Variants in MYOM2 observed in about 807,000 individuals in gnomAD.
MYOM2 encodes the protein myomesin 2, also known as myomesin-2.
Under a neutral mutation model 187.6 loss-of-function variants are expected in MYOM2, and 254 were observed. The observed-to-expected ratio is 1.35, with a 90% CI of 1.22 to 1.50. The LOEUF (loss-of-function observed/expected upper bound fraction) is 1.50. Among genes scored for constraint, MYOM2 ranks in the 40% most tolerant of loss-of-function variants. The pLI, the probability that MYOM2 is intolerant of heterozygous loss-of-function variation, is 0.00. For synonymous variants in MYOM2, 981 were observed against 753.8 expected, an observed-to-expected ratio of 1.30 and a Z score of -4.94; for missense variants, 2,796 against 1,924.0, an observed-to-expected ratio of 1.45 and a Z score of -8.48.
At chr8:2,067,029 T>C (rs763968680) in intron 6 of MYOM2, among the ~76,000 whole-genome samples, 31 of 152,100 alleles carry the variant, frequency 2.0e-4, no homozygotes, top group Non-Finnish European at 3.8e-4. Context: ...GCAACGGCAG[T>C]TAGGGAGGTC....
rs561595328 is a variant in MYOM2 at position 2,101,143 on chromosome 8, C to T, written c.2619+89C>T. 625 of 1,330,182 alleles carry T rather than the reference C, an allele frequency of 4.7e-4. 2 individuals carry two copies. In the African/African-American group the frequency reaches 7.3e-3, roughly 16 times the overall value. The allele number at this position is 1,330,182 out of a possible 1,614,324, so 82.4% of individuals were successfully genotyped here. On this transcript the variant is annotated intron_variant, in intron 20 of 36. Transcript: ENST00000262113. ...GGCCAATCACTTGAGGTCAGGAGTT[C>T]GAAACCAGCCTGGCCAACATGGAGA...
chr8:2,046,270 T>C (rs776322548), intron 1 of MYOM2, among the ~76,000 whole-genome samples: 3 of 152,246 alleles, frequency 2.0e-5, no homozygotes, highest in Non-Finnish European at 2.9e-5. Flanking sequence ...CACACGTTGT[T>C]TGCAGGAAGG....
chr8:2,105,846 C>A (rs887680102), intron 21 of MYOM2, among the ~76,000 whole-genome samples: 2 of 152,118 alleles, frequency 1.3e-5, no homozygotes, highest in Admixed American at 1.3e-4. Context: ...TCCGTTCTCA[C>A]GCTGGTATGA....
chr8:2,049,388 T>C (rs932388827), intron 1 of MYOM2, among the ~76,000 whole-genome samples: 1 of 152,248 alleles, frequency 6.6e-6, no homozygotes, highest in African/African-American at 2.4e-5. Context: ...GCTAGTGATC[T>C]TTCCAAGTTC....
At chr8:2,071,822 G>T (rs371677557) in intron 8 of MYOM2, among the ~76,000 whole-genome samples, 1 of 152,198 alleles carries the variant, frequency 6.6e-6, no homozygotes, top group Non-Finnish European at 1.5e-5. Context: ...CTCCCGGGTT[G>T]CTGACGGCAC....
Position 2,129,155 on chromosome 8 carries a change from C to T in MYOM2, c.3723C>T (p.Leu1241=). Residue 1241 remains leucine, a synonymous_variant, in exon 32 of 37, where the codon CTC becomes CTT. Transcript: ENST00000262113. The part of the protein sequence containing the change: ...CGKSASPLKV[L]CTPEGIRLQC... ...AATCTGCTTCGCCACTGAAGGTACT[C>T]TGCACCCCAGAAGGAATACGACTTC... The T allele has an allele frequency of 6.2e-7, 1 of 1,611,282 alleles. No homozygotes were observed. Among genetic ancestry groups the T allele is most frequent in the South Asian group, 1.1e-5 (1 of 91,032 alleles).
chr8:2,143,242 C>T, intron 35 of MYOM2, 159 bp from the exon 36 acceptor site: 1 of 816,630 alleles, frequency 1.2e-6, no homozygotes, highest in Non-Finnish European at 2.0e-6. Flanking sequence ...GTTTATCCCT[C>T]AACTGTAAAC....
At chr8:2,130,387 G>T (rs778812410) in intron 32 of MYOM2, among the ~76,000 whole-genome samples, 2 of 119,408 alleles carry the variant, frequency 1.7e-5, no homozygotes, top group Non-Finnish European at 3.2e-5. Flanking sequence ...TATACCCAGG[G>T]TGCCCACACC....
intron 31 of MYOM2, among the ~76,000 whole-genome samples, 187 bp from the exon 32 acceptor site, chr8:2,128,940 G>A (rs62479964): frequency 0.06 from 9,210 of 152,234 alleles, 372 homozygotes; most frequent in Middle Eastern, 0.12. Context: ...CATGGTAAGA[G>A]CTTGTTTAAT....
chr8:2,052,085 G>C (rs933908881), intron 2 of MYOM2, 73 bp from the exon 3 acceptor site: 12 of 1,588,030 alleles, frequency 7.6e-6, no homozygotes, highest in Non-Finnish European at 1.0e-5. Flanking sequence ...TAGAGAGAAA[G>C]TGATGTGTGT....
chr8:2,069,604 C>T (rs1277711191), intron 8 of MYOM2, 107 bp downstream of exon 8: 43 of 1,327,034 alleles, frequency 3.2e-5, no homozygotes, highest in East Asian at 2.5e-4. Flanking sequence ...TTTTTTGAGA[C>T]GGAGTCTCAC....
intron 24 of MYOM2, 171 bp from the exon 25 acceptor site, chr8:2,109,224 C>G: frequency 1.3e-6 from 1 of 775,074 alleles, no homozygotes; most frequent in Non-Finnish European, 1.9e-6. Context: ...GAGGCAACAA[C>G]AGGCCAGCTC....
chr8:2,054,935 A>C (rs28469771), intron 3 of MYOM2, among the ~76,000 whole-genome samples: 4,786 of 78,262 alleles, frequency 0.061, 684 homozygotes, highest in Middle Eastern at 0.1. Context: ...TACCTGGATA[A>C]TGGGGGAACG....
At chr8:2,045,506 T>A (rs1818283499) in intron 1 of MYOM2, among the ~76,000 whole-genome samples, 1 of 152,128 alleles carries the variant, frequency 6.6e-6, no homozygotes, top group Admixed American at 6.5e-5. Context: ...TGTCTGCAAG[T>A]TTCATGAGAT....
rs749381432 is a variant in MYOM2, at chr8:2,085,322, T to C, written c.1576T>C (p.Tyr526His). Residue 526 changes from tyrosine (Y) to histidine (H), a missense_variant, in exon 14 of 37, where the codon TAT (tyrosine) becomes CAT (histidine). Physicochemically the swap from Tyr to His is moderately conservative, Grantham distance 83. Coordinates refer to ENST00000262113, the MANE Select transcript of MYOM2 (RefSeq NM_003970.4). ...GVHASEISRN[Y>H]VVLSWEPPTP... ...GCACGCTTCCGAGATCAGCAGAAACTATGTCGTCCTCAGCTGGGAGCCACC... is the reference window on the plus strand; with the variant it reads ...GCACGCTTCCGAGATCAGCAGAAACCATGTCGTCCTCAGCTGGGAGCCACC... 6.2e-7 allele frequency: 1 copy of C among 1,614,102 alleles called. No homozygotes were observed. The highest frequency in any genetic ancestry group is 1.1e-5 in the South Asian group (1 of 91,074).
chr8:2,071,951 C>A (rs1372910707), intron 8 of MYOM2, among the ~76,000 whole-genome samples: 2 of 152,200 alleles, frequency 1.3e-5, no homozygotes, highest in African/African-American at 4.8e-5. Context: ...TCATCACCTC[C>A]CAAAGGCCCC....
chr8:2,103,203 G>C (rs540311873), intron 21 of MYOM2, among the ~76,000 whole-genome samples: 1 of 151,714 alleles, frequency 6.6e-6, no homozygotes, highest in African/African-American at 2.4e-5. Flanking sequence ...GGATAAATGA[G>C]TGGGAGAGTG....
At chr8:2,125,454 T>C (rs528701180) in intron 31 of MYOM2, among the ~76,000 whole-genome samples, 14 of 152,300 alleles carry the variant, frequency 9.2e-5, no homozygotes, top group Admixed American at 7.2e-4. Flanking sequence ...GATCTGTCTG[T>C]TCTAATGTCA....
At chr8:2,112,292 A>C (rs1217676658) in intron 25 of MYOM2, among the ~76,000 whole-genome samples, 4 of 152,046 alleles carry the variant, frequency 2.6e-5, no homozygotes, top group Non-Finnish European at 4.4e-5. Context: ...AAACACTCTC[A>C]GAATTCAGAG....
Sources: gnomAD v4.1 joint callset for allele counts (sites outside exome capture counted in the v4.1 genomes callset) on GRCh38, gnomAD v4.1.1 for gene constraint, MANE v1.5 for transcripts, NCBI Gene and HGNC (gene_info 2026-07-23, HGNC 2026-07-21) for gene names.